The following DGKB variants were observed in gnomAD, a reference collection of about 807,000 sequenced individuals.
DGKB encodes diacylglycerol kinase beta, also known as 90 kDa diacylglycerol kinase.
DGKB carries 67 observed loss-of-function variants against 114.3 expected under a neutral mutation model. That is an observed-to-expected ratio of 0.59 (90% CI 0.48 to 0.72). The LOEUF is 0.72. Among genes scored for constraint, DGKB ranks in the 30% least tolerant of loss-of-function variants. DGKB has a pLI of 0.00. For missense variants in DGKB, 907 were observed against 975.2 expected (o/e 0.93, Z 0.93); for synonymous variants, 398 against 323.1 (o/e 1.23, Z -2.49).
chr7:14,268,211 CCA>C (rs10699466), intron 23 of DGKB, among the ~76,000 whole-genome samples: 27,374 of 150,154 alleles, frequency 0.18, 3,141 homozygotes, highest in East Asian at 0.35. Flanking sequence ...AGTCACTGTA[CCA>C]CACACACACA....
intron 1 of DGKB, among the ~76,000 whole-genome samples, chr7:14,969,781 T>C (rs1480755569): frequency 2.6e-5 from 4 of 152,194 alleles, no homozygotes; most frequent in African/African-American, 7.2e-5. Context: ...CTAAATGTTA[T>C]AGCCTATTGC....
Position 14,609,849 on chromosome 7 carries a change from A to G in DGKB, c.1359-2341T>C, listed in dbSNP as rs1027016713. On this transcript the variant is annotated intron_variant, in intron 16 of 25. Coordinates refer to ENST00000402815, the MANE Select transcript of DGKB (RefSeq NM_001350709.2). ...CCATCTCACGCCAATCAGAATGGCTATTATTAAAAAGTCAAAAACCAGTGG... is the reference window on the plus strand; with the variant it reads ...CCATCTCACGCCAATCAGAATGGCTGTTATTAAAAAGTCAAAAACCAGTGG... Among the ~76,000 whole-genome samples, 8 of 152,218 alleles carry G rather than the reference A, an allele frequency of 5.3e-5. No homozygotes were observed. In the East Asian group the frequency reaches 1.2e-3, roughly 22 times the overall value.
chr7:14,493,427 A>C (rs918621953), intron 20 of DGKB, among the ~76,000 whole-genome samples: 1 of 152,114 alleles, frequency 6.6e-6, no homozygotes, highest in African/African-American at 2.4e-5. Flanking sequence ...AACAATTATC[A>C]CATATACTGT....
At chr7:14,780,382 T>A (rs1286074455) in intron 2 of DGKB, among the ~76,000 whole-genome samples, 6 of 152,250 alleles carry the variant, frequency 3.9e-5, no homozygotes, top group Non-Finnish European at 7.3e-5. Context: ...GCCTACTTTT[T>A]TATTCTACAG....
chr7:14,855,420 C>G (rs1206794347), intron 1 of DGKB, among the ~76,000 whole-genome samples: 1 of 152,108 alleles, frequency 6.6e-6, no homozygotes, highest in Non-Finnish European at 1.5e-5. Context: ...GTAGGACATA[C>G]TAGAAAAAAG....
chr7:14,389,986 C>A (rs968846949), intron 21 of DGKB, among the ~76,000 whole-genome samples: 2 of 152,146 alleles, frequency 1.3e-5, no homozygotes. Flanking sequence ...TGAGACACTT[C>A]CAACACAGTG....
At chr7:14,291,953 G>A (rs1801838190) in intron 23 of DGKB, among the ~76,000 whole-genome samples, 2 of 152,076 alleles carry the variant, frequency 1.3e-5, no homozygotes, top group Admixed American at 1.3e-4. Flanking sequence ...TCTGGAAGCT[G>A]TTAGTAGCTT....
chr7:14,695,468 A>AAAT lies in DGKB; in HGVS notation c.592-1277_592-1275dup, dbSNP rs562738600. Among the ~76,000 whole-genome samples the AAAT allele has an allele frequency of 1.6e-4, 24 of 145,870 alleles. No individual in the cohort carries two copies. In the East Asian group the frequency reaches 5.1e-3, roughly 31 times the overall value. On this transcript the variant is annotated intron_variant, in intron 8 of 25. Coordinates refer to ENST00000402815, the MANE Select transcript of DGKB (RefSeq NM_001350709.2). ...CCCTACTACTATTGTAATCAACCTC[A>AAAT]AATGTTCATTTCTCTCTCTCTCTCT...
At chr7:14,775,732 C>T (rs1196851817) in intron 2 of DGKB, among the ~76,000 whole-genome samples, 1 of 151,982 alleles carries the variant, frequency 6.6e-6, no homozygotes. Context: ...CTGAGGCCTC[C>T]CCAGCCCTGC....
At chr7:14,560,573 A>G (rs1188697521) in intron 20 of DGKB, among the ~76,000 whole-genome samples, 4 of 152,168 alleles carry the variant, frequency 2.6e-5, no homozygotes, top group Non-Finnish European at 4.4e-5. Flanking sequence ...ATTCAGTTGT[A>G]TGTATAGACC....
chr7:14,821,458 T>A (rs1440687518), intron 2 of DGKB, among the ~76,000 whole-genome samples: 1 of 152,090 alleles, frequency 6.6e-6, no homozygotes, highest in Non-Finnish European at 1.5e-5. Flanking sequence ...GAACTTCAAG[T>A]GGCCAAGAGA....
chr7:14,801,383 C>A (rs1842126935), intron 2 of DGKB, among the ~76,000 whole-genome samples: 1 of 152,058 alleles, frequency 6.6e-6, no homozygotes, highest in African/African-American at 2.4e-5. Context: ...TGATGGTTAG[C>A]TTTGTGTGTC....
At chr7:14,308,526 A>G (rs1255715315) in intron 23 of DGKB, among the ~76,000 whole-genome samples, 3 of 152,196 alleles carry the variant, frequency 2.0e-5, no homozygotes, top group African/African-American at 7.2e-5. Context: ...ATTTTATAAT[A>G]GAGAAAGTAA....
Position 14,662,909 on chromosome 7 carries a change from T to C in DGKB, c.1134+10020A>G, listed in dbSNP as rs116283832. ...GTATGATTACATAGTTATGGTATGA[T>C]AAAATGTTAAAATTCACTTTTCAAA... On this transcript the variant is annotated intron_variant, in intron 13 of 25. Coordinates refer to ENST00000402815, the MANE Select transcript of DGKB (RefSeq NM_001350709.2). Among the ~76,000 whole-genome samples the C allele has an allele frequency of 1.9e-3, 285 of 152,120 alleles. 1 individual carries two copies. The highest frequency in any genetic ancestry group is 6.3e-3 in the African/African-American group (261 of 41,528).
intron 1 of DGKB, among the ~76,000 whole-genome samples, chr7:14,926,500 G>GT (rs1290223781): frequency 0.017 from 2,369 of 137,516 alleles, 30 homozygotes; most frequent in African/African-American, 0.04. Context: ...AGTGTTTTTT[G>GT]TTTTTTTTTT....
At chr7:14,954,459 G>C (rs922965759) in intron 1 of DGKB, among the ~76,000 whole-genome samples, 1 of 152,046 alleles carries the variant, frequency 6.6e-6, no homozygotes. Context: ...AATCATTAAT[G>C]ATTTCAGCAG....
intron 21 of DGKB, among the ~76,000 whole-genome samples, chr7:14,400,591 T>C (rs554380547): frequency 8.6e-5 from 13 of 151,756 alleles, no homozygotes; most frequent in Admixed American, 8.6e-4. Context: ...ATTCAAACTT[T>C]TTTTTATTTC....
intron 23 of DGKB, among the ~76,000 whole-genome samples, chr7:14,204,540 A>T (rs896184832): frequency 2.8e-4 from 42 of 152,134 alleles, no homozygotes; most frequent in Middle Eastern, 3.4e-3. Flanking sequence ...GAAACATACA[A>T]CGGCTGAGAA....
chr7:14,720,548 T>C (rs1465680190), intron 5 of DGKB, among the ~76,000 whole-genome samples: 1 of 151,518 alleles, frequency 6.6e-6, no homozygotes, highest in Non-Finnish European at 1.5e-5. Flanking sequence ...TTTCACCATG[T>C]TGGTCAGGCT....
Sources: gnomAD v4.1 joint callset for allele counts (sites outside exome capture counted in the v4.1 genomes callset) on GRCh38, gnomAD v4.1.1 for gene constraint, MANE v1.5 for transcripts, NCBI Gene and HGNC (gene_info 2026-07-23, HGNC 2026-07-21) for gene names.